MINDY1: variants seen among roughly 807,000 people sequenced by gnomAD.
MINDY1 encodes MINDY lysine 48 deubiquitinase 1.
A neutral mutation model predicts 53.6 loss-of-function variants in MINDY1; 50 were observed. The observed-to-expected ratio is 0.93, with a 90% CI of 0.74 to 1.18. MINDY1 has a LOEUF of 1.18. Among genes scored for constraint, MINDY1 ranks in the 50% most tolerant of loss-of-function variants. MINDY1 has a pLI of 0.00. For synonymous variants in MINDY1, 231 were observed against 234.7 expected (o/e 0.98, Z 0.14); for missense variants, 484 against 578.6 (o/e 0.84, Z 1.68).
In MINDY1 at chr1:150,996,872, G is replaced by T. The variant is rs182690141; in HGVS notation, c.*415C>A. The T allele has an allele frequency of 9.7e-4, 174 of 179,168 alleles. No individual in the cohort carries two copies. Among genetic ancestry groups the T allele is most frequent in the African/African-American group, 4.0e-3 (168 of 42,126 alleles). The allele number at this position is 179,168 out of a possible 1,614,324, so 11.1% of individuals were successfully genotyped here. A position where few individuals can be genotyped will look rare whatever the true frequency, so the allele number is the denominator to read the frequency against. On this transcript the variant is annotated 3_prime_UTR_variant, in exon 10 of 10. Transcript: ENST00000683666. ...AGTTTTATTTCCAAACCCCAGGAAGGCATTACAAATAAGAGATAGAAACCC... is the reference window on the plus strand; with the variant it reads ...AGTTTTATTTCCAAACCCCAGGAAGTCATTACAAATAAGAGATAGAAACCC...
upstream of MINDY1, among the ~76,000 whole-genome samples, chr1:151,007,351 A>G (rs1351891727): frequency 3.9e-5 from 6 of 152,306 alleles, no homozygotes; most frequent in Middle Eastern, 3.4e-3. Flanking sequence ...TAAAAATACA[A>G]AAATTAGCAG....
intron 1 of MINDY1, among the ~76,000 whole-genome samples, chr1:151,004,640 G>A (rs1672950124): frequency 1.3e-5 from 2 of 152,178 alleles, no homozygotes; most frequent in Non-Finnish European, 2.9e-5. Context: ...TGAGGTGGGA[G>A]AATTGCTTGA....
At position 150,999,237 on chromosome 1, in the gene MINDY1, TGTG is replaced by T; in HGVS notation, c.981+129_981+131del. On this transcript the variant is annotated intron_variant, in intron 7 of 9. Coordinates refer to ENST00000683666, the MANE Select transcript of MINDY1 (RefSeq NM_001376665.1). This position sits in a 1 kb window ranked among gnomAD's most constrained non-coding sequence, Gnocchi z 4.4. ...CCAGGAGCGGGAAATGAACCTTTGT[TGTG>T]GTAAACCACAGGGATTTGAGGGGTC... 1 of 1,315,162 alleles carries T rather than the reference TGTG, an allele frequency of 7.6e-7. No homozygotes were observed. 81.5% of individuals were successfully genotyped at this position (1,315,162 alleles called of 1,614,324 possible). A position where few individuals can be genotyped will look rare whatever the true frequency, so the allele number is the denominator to read the frequency against.
rs759143563 is a variant in MINDY1 at position 150,997,374 on chromosome 1, C to T, written c.1330-7G>A. The T allele has an allele frequency of 1.1e-5, 18 of 1,595,306 alleles. No homozygotes were observed. The highest frequency in any genetic ancestry group is 6.0e-6 in the Non-Finnish European group (7 of 1,169,452). ...CAGATGTGGCTCCTCTCCCCTGTAT[C>T]GGATTTAACAATTGGTCACTGAACT... On this transcript the variant is annotated splice_region_variant and splice_polypyrimidine_tract_variant and intron_variant, in intron 9 of 9. Coordinates refer to ENST00000683666, the MANE Select transcript of MINDY1 (RefSeq NM_001376665.1).
rs1230781603 is a variant in MINDY1 at position 150,997,632 on chromosome 1, A to T, written c.1321T>A (p.Ser441Thr). The T allele has an allele frequency of 6.2e-7, 1 of 1,608,420 alleles. No homozygotes were observed. Among genetic ancestry groups the T allele is most frequent in the South Asian group, 1.1e-5 (1 of 91,090 alleles). The change falls in exon 9 of 10, where the codon TCA becomes ACA. Residue 441 changes from serine (S) to threonine (T), a missense_variant. By Grantham distance (58) the Ser-to-Thr change is moderately conservative. Coordinates refer to ENST00000683666, the MANE Select transcript of MINDY1 (RefSeq NM_001376665.1). Reference sequence around the variant, plus strand: ...CCCAGGCAGCAGCCCACCTGCAGTGACAGGACCCGCGTCCGCATCCGCACT... The same window carrying T: ...CCCAGGCAGCAGCCCACCTGCAGTGTCAGGACCCGCGTCCGCATCCGCACT... ...QPVRMRTRVLSLQGRGATSGR... is the reference protein window; with the variant it reads ...QPVRMRTRVLTLQGRGATSGR...
chr1:150,999,419 G>T lies in MINDY1; in HGVS notation c.931C>A (p.Leu311Ile). 1.2e-6 allele frequency: 2 copies of T among 1,614,176 alleles called. No individual in the cohort carries two copies. Among genetic ancestry groups the T allele is most frequent in the Non-Finnish European group, 1.7e-6 (2 of 1,180,038 alleles). Residue 311 changes from leucine (L) to isoleucine (I), a missense_variant, in exon 7 of 10, where the codon CTT becomes ATT. Physicochemically the swap from Leu to Ile is conservative, Grantham distance 5 (BLOSUM62 2). Coordinates refer to ENST00000683666, the MANE Select transcript of MINDY1 (RefSeq NM_001376665.1). The surrounding 1 kb of genome is among the most constrained non-coding windows in gnomAD (Gnocchi z 4.4). ...TGGTTGTTTCGGAAAAAGACGCTAA[G>T]TTCACCCTCCTTAGCAGCTGCTGTC... ...ELTAAAKEGELSVFFRNNHFS... is the reference protein window; with the variant it reads ...ELTAAAKEGEISVFFRNNHFS...
intron 1 of MINDY1, among the ~76,000 whole-genome samples, chr1:151,005,914 G>A (rs587723045): frequency 6.6e-6 from 1 of 152,340 alleles, no homozygotes; most frequent in Non-Finnish European, 1.5e-5. Flanking sequence ...AGAGCCGAAA[G>A]TTGGAAGAAG....
chr1:151,005,021 A>T (rs890432577), intron 1 of MINDY1, among the ~76,000 whole-genome samples: 1 of 152,194 alleles, frequency 6.6e-6, no homozygotes, highest in Non-Finnish European at 1.5e-5. Context: ...TTAGAATCAG[A>T]GTAGCAAAAA....
intron 5 of MINDY1, 114 bp from the exon 6 acceptor site, chr1:151,000,078 A>T: frequency 2.8e-6 from 2 of 717,356 alleles, no homozygotes; most frequent in Non-Finnish European, 4.4e-6. Context: ...AATGGTTCCT[A>T]AACACTTTTT....
At chr1:150,997,427 TAGA>T in intron 9 of MINDY1, 60 bp from the exon 10 acceptor site, 12 of 1,556,418 alleles carry the variant, frequency 7.7e-6, no homozygotes, top group Non-Finnish European at 1.0e-5. Flanking sequence ...GAAGAGATTC[TAGA>T]AGAAGGGGTG....
At chr1:151,005,962 TTC>T in intron 1 of MINDY1, 5 of 1,127,662 alleles carry the variant, frequency 4.4e-6, no homozygotes, top group Non-Finnish European at 6.1e-6. Context: ...AAGACACTCC[TTC>T]TCTGTAGGAA....
intron 2 of MINDY1, 131 bp from the exon 3 acceptor site, chr1:151,001,913 G>A: frequency 1.0e-6 from 1 of 974,124 alleles, no homozygotes; most frequent in Non-Finnish European, 1.5e-6. Flanking sequence ...TGGCACAAGG[G>A]AATGAATGTG....
In MINDY1 at chr1:150,998,083, TG is replaced by T; in HGVS notation, c.1171del (p.Gln391ArgfsTer4). ...ACTTTTCCTAAGTGCCCTACACACC[TG>T]GTCTACCTGCAGCTGCGTTTCTGGG... is the stretch of plus-strand genomic sequence containing the variant. ...GSPETQLQVD[Q>X]DYLIALSLQQ... On this transcript the variant is annotated frameshift_variant and splice_region_variant, in exon 8 of 10. Coordinates refer to ENST00000683666, the MANE Select transcript of MINDY1 (RefSeq NM_001376665.1). LOFTEE classifies it high-confidence loss of function. 6.2e-7 allele frequency: 1 copy of T among 1,609,530 alleles called. No individual in the cohort carries two copies. The highest frequency in any genetic ancestry group is 8.5e-7 in the Non-Finnish European group (1 of 1,178,768).
chr1:151,002,041 G>A lies in MINDY1; in HGVS notation c.453+124C>T. Reference sequence around the variant, plus strand: ...CATCTTATCTCATTTGCTCAAGCTGGAGAAATAGGGAGAACAATCTGAAAA... The same window carrying A: ...CATCTTATCTCATTTGCTCAAGCTGAAGAAATAGGGAGAACAATCTGAAAA... On this transcript the variant is annotated intron_variant, in intron 2 of 9. Coordinates refer to ENST00000683666, the MANE Select transcript of MINDY1 (RefSeq NM_001376665.1). The surrounding 1 kb of genome is among the most constrained non-coding windows in gnomAD (Gnocchi z 4.1). The A allele has an allele frequency of 3.9e-6, 4 of 1,018,614 alleles. No individual in the cohort carries two copies. Among genetic ancestry groups the A allele is most frequent in the Admixed American group, 2.6e-5 (1 of 38,312 alleles). 63.1% of individuals were successfully genotyped at this position (1,018,614 alleles called of 1,614,324 possible).
At chr1:151,007,803 T>G (rs1370221654), upstream of MINDY1, among the ~76,000 whole-genome samples, 1 of 152,128 alleles carries the variant, frequency 6.6e-6, no homozygotes, top group Non-Finnish European at 1.5e-5. Context: ...TTCCCTAAAC[T>G]CTATGTACAG....
chr1:151,007,467 G>C (rs1482324894), upstream of MINDY1, among the ~76,000 whole-genome samples: 1 of 152,146 alleles, frequency 6.6e-6, no homozygotes, highest in African/African-American at 2.4e-5. Context: ...TCCTGCCACT[G>C]CACTCCAGCC....
chr1:150,999,366 T>C lies in MINDY1; in HGVS notation c.981+3A>G. 6.2e-7 allele frequency: 1 copy of C among 1,613,934 alleles called. No homozygotes were observed. The highest frequency in any genetic ancestry group is 8.5e-7 in the Non-Finnish European group (1 of 1,179,908). On this transcript the variant is annotated splice_donor_region_variant and intron_variant, in intron 7 of 9. Coordinates refer to ENST00000683666, the MANE Select transcript of MINDY1 (RefSeq NM_001376665.1). The surrounding 1 kb of genome is among the most constrained non-coding windows in gnomAD (Gnocchi z 4.4). ...CAGCACGCCACCCCCAAACTCGCAT[T>C]ACCTTATGCTTAGTCATGGTGCTAA...
In MINDY1 at chr1:151,002,691, G is replaced by T. The variant is rs778608990; in HGVS notation, c.-74C>A. ...AGGGACTTGCCTAAGCCAGGCTTGG[G>T]ATGCAAAAGAGTGACCTGTCCAATA... On this transcript the variant is annotated 5_prime_UTR_variant, in exon 2 of 10. Coordinates refer to ENST00000683666, the MANE Select transcript of MINDY1 (RefSeq NM_001376665.1). This position sits in a 1 kb window ranked among gnomAD's most constrained non-coding sequence, Gnocchi z 4.1. The T allele has an allele frequency of 8.1e-6, 13 of 1,607,574 alleles. No individual in the cohort carries two copies. Among genetic ancestry groups the T allele is most frequent in the Non-Finnish European group, 6.8e-6 (8 of 1,176,646 alleles).
chr1:150,997,587 G>A, intron 9 of MINDY1, 37 bp downstream of exon 9: 1 of 1,603,330 alleles, frequency 6.2e-7, no homozygotes. Flanking sequence ...AGCATGAGGT[G>A]GAAACCGGGA....
Sources: allele counts gnomAD v4.1 joint callset (sites outside exome capture counted in the v4.1 genomes callset), GRCh38; gene constraint gnomAD v4.1.1; non-coding constraint Gnocchi (gnomAD v3.1); transcripts MANE v1.5; gene names NCBI Gene and HGNC (gene_info 2026-07-23, HGNC 2026-07-21).